CBFA2T2: variants seen among roughly 807,000 people sequenced by gnomAD.
CBFA2T2 encodes protein CBFA2T2.
A neutral mutation model predicts 62.2 loss-of-function variants in CBFA2T2; 11 were observed. That is an observed-to-expected ratio of 0.18 (90% CI 0.11 to 0.29). The LOEUF (loss-of-function observed/expected upper bound fraction) is 0.29, where lower values mean the gene tolerates loss of function less well. Ranked by LOEUF, CBFA2T2 falls within the 10% of genes least tolerant of loss-of-function variation. The probability of loss-of-function intolerance (pLI) is 1.00; values close to 1 mark genes in which losing one functional copy is unlikely to be tolerated. For missense variants in CBFA2T2, 592 were observed against 774.1 expected, an observed-to-expected ratio of 0.76 and a Z score of 2.79; for synonymous variants, 295 against 287.5, an observed-to-expected ratio of 1.03 and a Z score of -0.27.
chr20:33,595,664 A>C (rs1183263944), intron 1 of CBFA2T2, among the ~76,000 whole-genome samples: 2 of 151,802 alleles, frequency 1.3e-5, no homozygotes, highest in Non-Finnish European at 2.9e-5. Context: ...CAATCCTCCC[A>C]AGGAGCTGGG....
chr20:33,607,179 C>T (rs2015374060), intron 2 of CBFA2T2, 80 bp downstream of exon 2: 2 of 1,315,494 alleles, frequency 1.5e-6, no homozygotes, highest in African/African-American at 2.9e-5. Flanking sequence ...AAGCGTTCCA[C>T]ATATATTATT....
intron 1 of CBFA2T2, among the ~76,000 whole-genome samples, chr20:33,564,140 A>G (rs989471270): frequency 3.9e-5 from 6 of 152,132 alleles, no homozygotes; most frequent in African/African-American, 1.4e-4. Flanking sequence ...TTTATTCCTT[A>G]AAGTTCTTCA....
chr20:33,536,348 G>A (rs1311598773), intron 1 of CBFA2T2, among the ~76,000 whole-genome samples: 2 of 144,100 alleles, frequency 1.4e-5, no homozygotes, highest in African/African-American at 5.0e-5. Context: ...CGGGCAGAGG[G>A]GCTCCTCACT....
At chr20:33,556,692 C>T (rs2012905046) in intron 1 of CBFA2T2, among the ~76,000 whole-genome samples, 1 of 152,070 alleles carries the variant, frequency 6.6e-6, no homozygotes, top group Admixed American at 6.6e-5. Context: ...ACCTTGACCT[C>T]CCAGAGTGCT....
At chr20:33,555,820 T>G (rs1425221135) in intron 1 of CBFA2T2, among the ~76,000 whole-genome samples, 1 of 152,236 alleles carries the variant, frequency 6.6e-6, no homozygotes, top group African/African-American at 2.4e-5. Context: ...ACACTGAATT[T>G]AACTGGCATG....
chr20:33,634,632 A>G (rs1404689188), intron 8 of CBFA2T2, among the ~76,000 whole-genome samples: 1 of 145,634 alleles, frequency 6.9e-6, no homozygotes, highest in African/African-American at 2.5e-5. Flanking sequence ...GTTCGTGCCA[A>G]TGCACTCCAC....
In CBFA2T2 at chr20:33,526,589, C is replaced by T. The variant is rs78708851; in HGVS notation, c.34+36288C>T. Among the ~76,000 whole-genome samples the T allele has an allele frequency of 6.8e-3, 1,041 of 152,182 alleles. 23 individuals are homozygous for T. The East Asian group carries it at 0.07, about 10-fold the overall frequency. On this transcript the variant is annotated intron_variant, in intron 1 of 10. Transcript: ENST00000342704. ...GGACACGTTTTCATTTCTCTCACTG[C>T]GCCCAGCAATGAATACATTTATTTT... is the stretch of plus-strand genomic sequence containing the variant.
chr20:33,528,690 TCG>T (rs959250553), intron 1 of CBFA2T2, among the ~76,000 whole-genome samples: 4 of 15,786 alleles, frequency 2.5e-4, no homozygotes, highest in African/African-American at 6.4e-4. Context: ...AAATGTCCAC[TCG>T]TGTGTGTGTG....
rs67124335 is a variant in CBFA2T2 at position 33,637,966 on chromosome 20, C to CTTT, written c.1297+1282_1297+1284dup. ...ACAGACGTGAGCCACTGCACCCGGC[C>CTTT]TTTTTTTTTTTTTTTTTTTTTTTTT... is the stretch of plus-strand genomic sequence containing the variant. On this transcript the variant is annotated intron_variant, in intron 9 of 10. Transcript: ENST00000342704. 3.4e-3 allele frequency among the ~76,000 whole-genome samples: 229 copies of CTTT among 66,794 alleles called. 40 individuals carry two copies. The highest frequency in any genetic ancestry group is 0.023 in the Admixed American group (118 of 5,202). 43.8% of individuals were successfully genotyped at this position (66,794 alleles called of 152,430 possible). A position where few individuals can be genotyped will look rare whatever the true frequency, so the allele number is the denominator to read the frequency against.
Position 33,647,965 on chromosome 20 carries a change from C to G in CBFA2T2, c.*3319C>G, listed in dbSNP as rs1175916307. 6.6e-6 allele frequency: 1 copy of G among 152,210 alleles called. No individual in the cohort carries two copies. The highest frequency in any genetic ancestry group is 1.9e-4 in the East Asian group (1 of 5,192). The allele number at this position is 152,210 out of a possible 1,614,324, so 9.4% of individuals were successfully genotyped here. A position where few individuals can be genotyped will look rare whatever the true frequency, so the allele number is the denominator to read the frequency against. ...CCTTCTATTCACATTTCAAGAATCC[C>G]TTTCTGAAATTCTCCAACTCTCTGG... On this transcript the variant is annotated 3_prime_UTR_variant, in exon 11 of 11. Coordinates refer to ENST00000342704, the MANE Select transcript of CBFA2T2 (RefSeq NM_001032999.3).
At chr20:33,569,339 T>A (rs1480611361) in intron 1 of CBFA2T2, among the ~76,000 whole-genome samples, 1 of 152,238 alleles carries the variant, frequency 6.6e-6, no homozygotes, top group Admixed American at 6.5e-5. Flanking sequence ...TGTTGTTTGT[T>A]CTCTGTGTTT....
chr20:33,576,959 A>G (rs150133410), intron 1 of CBFA2T2, among the ~76,000 whole-genome samples: 211 of 152,336 alleles, frequency 1.4e-3, no homozygotes, highest in African/African-American at 4.8e-3. Flanking sequence ...TATTTAGTCC[A>G]TCTTCCCTGT....
At chr20:33,550,725 A>C (rs1223721235) in intron 1 of CBFA2T2, among the ~76,000 whole-genome samples, 1 of 151,928 alleles carries the variant, frequency 6.6e-6, no homozygotes, top group Admixed American at 6.6e-5. Context: ...GGGTTCAAGC[A>C]ATTCTCCTGC....
At chr20:33,581,942 G>A (rs1436807358) in intron 1 of CBFA2T2, among the ~76,000 whole-genome samples, 1 of 152,130 alleles carries the variant, frequency 6.6e-6, no homozygotes, top group Non-Finnish European at 1.5e-5. Flanking sequence ...CTTAGTTTTC[G>A]GCTGATTTTC....
intron 1 of CBFA2T2, among the ~76,000 whole-genome samples, chr20:33,529,322 G>A (rs939120312): frequency 1.3e-5 from 2 of 152,084 alleles, no homozygotes; most frequent in African/African-American, 4.8e-5. Flanking sequence ...ACCGCGCCCA[G>A]TGCACCAGTT....
intron 1 of CBFA2T2, chr20:33,562,614 C>CT (rs2013130661): frequency 1.0e-6 from 1 of 984,618 alleles, no homozygotes; most frequent in African/African-American, 1.7e-5. Context: ...TTTGGAATAT[C>CT]TATTTCAAAT....
intron 5 of CBFA2T2, among the ~76,000 whole-genome samples, chr20:33,624,403 C>T (rs2016134506): frequency 6.6e-6 from 1 of 151,264 alleles, no homozygotes; most frequent in East Asian, 1.9e-4. Flanking sequence ...AGTTTCTTTC[C>T]AGTAACTCAT....
chr20:33,520,900 A>G (rs1194225166), intron 1 of CBFA2T2, among the ~76,000 whole-genome samples: 1 of 151,640 alleles, frequency 6.6e-6, no homozygotes, highest in Non-Finnish European at 1.5e-5. Flanking sequence ...CTGTTTTTAC[A>G]CACGCACGCG....
intron 1 of CBFA2T2, among the ~76,000 whole-genome samples, chr20:33,521,434 A>G (rs1376627277): frequency 6.6e-6 from 1 of 152,190 alleles, no homozygotes; most frequent in Non-Finnish European, 1.5e-5. Context: ...CATTATTATT[A>G]TAACAAAATT....
Sources: gnomAD v4.1 joint callset for allele counts (sites outside exome capture counted in the v4.1 genomes callset) on GRCh38, gnomAD v4.1.1 for gene constraint, MANE v1.5 for transcripts, NCBI Gene and HGNC (gene_info 2026-07-23, HGNC 2026-07-21) for gene names.